CASK: variants seen among roughly 807,000 people sequenced by gnomAD.
CASK encodes peripheral plasma membrane protein CASK.
In CASK, 4 loss-of-function variants were observed where a neutral mutation model predicts 82.9. The observed-to-expected ratio is 0.05, with a 90% CI of 0.02 to 0.11. The LOEUF (loss-of-function observed/expected upper bound fraction) is 0.11, where lower values mean the gene tolerates loss of function less well. CASK is among the 10% of genes least tolerant of loss of function. CASK has a pLI of 1.00. For synonymous variants in CASK, 259 were observed against 253.5 expected (o/e 1.02, Z -0.20); for missense variants, 358 against 720.9 (o/e 0.50, Z 5.76).
At chrX:41,867,870 T>G (rs2071619317) in intron 1 of CASK, among the ~76,000 whole-genome samples, 1 of 112,398 alleles carries the variant, frequency 8.9e-6, no homozygotes, top group Non-Finnish European at 1.9e-5. Context: ...AATAGTTTGC[T>G]TAAAAATTTC....
chrX:41,558,741 A>ATT lies in CASK; in HGVS notation c.1737+1037_1737+1038insAA, dbSNP rs1421530779. ...CGTTACAACGGACACCTCAATTGCC[A>ATT]TGGCTCACCAAAAATATACTTGACA... On this transcript the variant is annotated intron_variant, in intron 18 of 26. Transcript: ENST00000378163. 15 of 111,432 alleles carry ATT rather than the reference A, an allele frequency of 1.3e-4. No homozygotes were observed. The East Asian group carries it at 3.9e-3, about 29-fold the overall frequency. The allele number at this position is 111,432 out of a possible 1,213,427, so 9.2% of individuals were successfully genotyped here. A position where few individuals can be genotyped will look rare whatever the true frequency, so the allele number is the denominator to read the frequency against.
At chrX:41,710,068 C>T (rs1023214945) in intron 5 of CASK, among the ~76,000 whole-genome samples, 2 of 80,142 alleles carry the variant, frequency 2.5e-5, no homozygotes, top group Admixed American at 2.8e-4. Context: ...CACTGTTTCC[C>T]AGGGTATAGA....
intron 5 of CASK, among the ~76,000 whole-genome samples, chrX:41,715,362 G>A (rs765423385): frequency 2.1e-4 from 23 of 111,954 alleles, no homozygotes; most frequent in Non-Finnish European, 4.0e-4. Context: ...GCTCATGCCT[G>A]TAATCCCAGC....
rs183856224 is a variant in CASK, at chrX:41,745,314, C to A, written c.356+210G>T. Among the ~76,000 whole-genome samples the A allele has an allele frequency of 2.5e-3, 283 of 111,966 alleles. 1 individual carries two copies. The highest frequency in any genetic ancestry group is 8.9e-3 in the African/African-American group (275 of 30,818). ...TACAGGCGTGAGCCACCGTGCCTGG[C>A]CCCTATAAACCCATGTTAATAGATA... On this transcript the variant is annotated intron_variant, in intron 4 of 26. Coordinates refer to ENST00000378163, the MANE Select transcript of CASK (RefSeq NM_001367721.1).
At chrX:41,581,064 C>A (rs1602296867) in intron 14 of CASK, among the ~76,000 whole-genome samples, 1 of 111,894 alleles carries the variant, frequency 8.9e-6, no homozygotes, top group East Asian at 2.8e-4. Context: ...AGATAATATT[C>A]TTTTATGATG....
chrX:41,821,604 C>A (rs1468790842), intron 2 of CASK, among the ~76,000 whole-genome samples: 1 of 112,189 alleles, frequency 8.9e-6, no homozygotes. Context: ...ACATTCAAAG[C>A]GGCTTTACTC....
chrX:41,557,851 T>C lies in CASK; in HGVS notation c.1738-751A>G, dbSNP rs961714736. The stretch of plus-strand genomic sequence containing the variant: ...ATTCCCTTAGTGTCCAAATCAACTT[T>C]AACGATAAGAACAAGGAGAGGAAGG... On this transcript the variant is annotated intron_variant, in intron 18 of 26. Transcript: ENST00000378163. Among the ~76,000 whole-genome samples, 4 of 111,878 alleles carry C rather than the reference T, an allele frequency of 3.6e-5. No individual in the cohort carries two copies. The East Asian group carries it at 8.3e-4, about 23-fold the overall frequency.
chrX:41,521,889 T>C (rs929944099), intron 26 of CASK, among the ~76,000 whole-genome samples: 5 of 112,535 alleles, frequency 4.4e-5, no homozygotes, highest in Non-Finnish European at 9.4e-5. Flanking sequence ...TTACACATAG[T>C]AAGTGCTTAA....
chrX:41,678,280 C>G (rs916119484), intron 5 of CASK, among the ~76,000 whole-genome samples: 5 of 111,221 alleles, frequency 4.5e-5, no homozygotes, highest in African/African-American at 1.6e-4. Flanking sequence ...GTCTCTTACT[C>G]TGTAACAGAT....
At chrX:41,918,674 A>C (rs754170215) in intron 1 of CASK, among the ~76,000 whole-genome samples, 1 of 112,835 alleles carries the variant, frequency 8.9e-6, no homozygotes, top group Admixed American at 9.4e-5. Context: ...AAGGCTGAGA[A>C]ACACAAGTGC....
chrX:41,737,221 A>T (rs753441666), intron 5 of CASK, among the ~76,000 whole-genome samples: 23 of 111,861 alleles, frequency 2.1e-4, no homozygotes, highest in African/African-American at 7.1e-4. Flanking sequence ...AAGAGCGCCC[A>T]GCCAGCTCCC....
intron 2 of CASK, 136 bp downstream of exon 2, chrX:41,852,979 A>G: frequency 2.0e-6 from 1 of 499,328 alleles, no homozygotes; most frequent in Non-Finnish European, 3.6e-6. Flanking sequence ...AATAGAGTTT[A>G]AACTGTCTCC....
intron 1 of CASK, among the ~76,000 whole-genome samples, chrX:41,890,217 CGTGTGT>C (rs750705275): frequency 1.6e-5 from 1 of 63,302 alleles, no homozygotes; most frequent in Non-Finnish European, 2.7e-5. Flanking sequence ...AATGTGCATG[CGTGTGT>C]GTGTGTGTGT....
At chrX:41,782,795 G>A (rs1438539245) in intron 3 of CASK, among the ~76,000 whole-genome samples, 1 of 111,828 alleles carries the variant, frequency 8.9e-6, no homozygotes, top group Non-Finnish European at 1.9e-5. Context: ...GTGAAATTTA[G>A]GTGAATTTTT....
chrX:41,577,070 C>G (rs2065495017), intron 15 of CASK, among the ~76,000 whole-genome samples: 1 of 112,034 alleles, frequency 8.9e-6, no homozygotes. Context: ...TTTCTATGTT[C>G]TGAGGAAAAA....
intron 1 of CASK, among the ~76,000 whole-genome samples, chrX:41,856,809 A>G (rs190716539): frequency 1.9e-4 from 21 of 108,406 alleles, no homozygotes; most frequent in African/African-American, 6.7e-4. Flanking sequence ...AAAAAAAAAA[A>G]AAAACCAAAC....
intron 26 of CASK, 146 bp from the exon 27 acceptor site, chrX:41,520,742 T>C: frequency 1.9e-6 from 1 of 526,854 alleles, no homozygotes; most frequent in Non-Finnish European, 3.3e-6. Flanking sequence ...TGATATGCCA[T>C]ATGCCAGCAT....
At chrX:41,838,016 ATT>A (rs1569464675) in intron 2 of CASK, among the ~76,000 whole-genome samples, 1 of 108,805 alleles carries the variant, frequency 9.2e-6, no homozygotes, top group East Asian at 2.8e-4. Flanking sequence ...GTATTGTCAT[ATT>A]GTTACTTATT....
chrX:41,859,386 C>T lies in CASK; in HGVS notation c.60-6159G>A, dbSNP rs181460189. ...TACTTGGTAAAATTCACTTATAACCCCCAAATCAACAGTCATGGCACTTTC... is the reference window on the plus strand; with the variant it reads ...TACTTGGTAAAATTCACTTATAACCTCCAAATCAACAGTCATGGCACTTTC... On this transcript the variant is annotated intron_variant, in intron 1 of 26. Coordinates refer to ENST00000378163, the MANE Select transcript of CASK (RefSeq NM_001367721.1). Among the ~76,000 whole-genome samples, 228 of 111,283 alleles carry T rather than the reference C, an allele frequency of 2.0e-3. 1 individual carries two copies. Among genetic ancestry groups the T allele is most frequent in the African/African-American group, 7.0e-3 (215 of 30,606 alleles).
Sources: gnomAD v4.1 joint callset for allele counts (sites outside exome capture counted in the v4.1 genomes callset) on GRCh38, gnomAD v4.1.1 for gene constraint, MANE v1.5 for transcripts, NCBI Gene and HGNC (gene_info 2026-07-23, HGNC 2026-07-21) for gene names.